Variants in RBMS3 observed in about 807,000 individuals in gnomAD.
The protein encoded by RBMS3 is RNA binding motif single stranded interacting protein 3.
A neutral mutation model predicts 66.8 loss-of-function variants in RBMS3; 27 were observed. The ratio of observed to expected loss-of-function variants is 0.40; its 90% CI spans 0.30 to 0.56. The LOEUF is 0.56. Among genes scored for constraint, RBMS3 ranks in the 20% least tolerant of loss-of-function variants. RBMS3 has a pLI of 0.40. For missense variants in RBMS3, 513 were observed against 549.5 expected (o/e 0.93, Z 0.66); for synonymous variants, 188 against 183.0 (o/e 1.03, Z -0.22).
chr3:29,641,136 T>C (rs1223985571), intron 4 of RBMS3: 1 of 152,172 alleles, frequency 6.6e-6, no homozygotes, highest in East Asian at 1.9e-4. Context: ...TCTTTTATTC[T>C]TCCTTCTTTA....
intron 1 of RBMS3, among the ~76,000 whole-genome samples, chr3:29,303,908 G>A (rs912369022): frequency 3.3e-5 from 5 of 151,904 alleles, no homozygotes; most frequent in Admixed American, 2.0e-4. Flanking sequence ...CATGGCGGTG[G>A]CAAGAGAAAA....
intron 3 of RBMS3, among the ~76,000 whole-genome samples, chr3:29,533,066 T>C (rs1349912115): frequency 6.6e-6 from 1 of 152,228 alleles, no homozygotes; most frequent in Middle Eastern, 3.2e-3. Flanking sequence ...CTATGTTTTA[T>C]GCCAGTCAAT....
intron 3 of RBMS3, among the ~76,000 whole-genome samples, chr3:29,509,710 G>A (rs2044324289): frequency 1.3e-5 from 2 of 152,112 alleles, no homozygotes; most frequent in Admixed American, 1.3e-4. Context: ...CTTAATACAA[G>A]TCTGTTCTCC....
intron 2 of RBMS3, among the ~76,000 whole-genome samples, chr3:29,440,454 T>G (rs1275266439): frequency 6.6e-6 from 1 of 152,196 alleles, no homozygotes; most frequent in Non-Finnish European, 1.5e-5. Context: ...AGGGAAACTC[T>G]TGGGTAGGTA....
At position 29,395,996 on chromosome 3, in the gene RBMS3, A is replaced by T. The variant is rs368331669; in HGVS notation, c.76-38747A>T. ...TTGCATAGTTTTGAGGCATCTCTTC[A>T]TAAATTGCTTTTTAGTTGCAAGCTG... is the stretch of plus-strand genomic sequence containing the variant. On this transcript the variant is annotated intron_variant, in intron 1 of 14. Transcript: ENST00000383767. 3.3e-5 allele frequency among the ~76,000 whole-genome samples: 5 copies of T among 152,214 alleles called. 1 individual carries two copies. The South Asian group carries it at 1.0e-3, about 31-fold the overall frequency.
chr3:29,389,108 G>C (rs1359005898), intron 1 of RBMS3, among the ~76,000 whole-genome samples: 1 of 152,164 alleles, frequency 6.6e-6, no homozygotes, highest in Non-Finnish European at 1.5e-5. Flanking sequence ...TCAGTTTGGT[G>C]CTCCCTCTAG....
At chr3:29,367,308 T>C (rs549961434) in intron 1 of RBMS3, among the ~76,000 whole-genome samples, 1 of 152,270 alleles carries the variant, frequency 6.6e-6, no homozygotes, top group East Asian at 1.9e-4. Flanking sequence ...TGCTAAAACA[T>C]ATATTCAAAA....
chr3:29,991,424 C>A, intron 14 of RBMS3: 1 of 652,916 alleles, frequency 1.5e-6, no homozygotes, highest in Non-Finnish European at 2.4e-6. Flanking sequence ...CTAGGAACAG[C>A]TGCTGATTAT....
chr3:29,304,015 A>C (rs1228111616), intron 1 of RBMS3, among the ~76,000 whole-genome samples: 4 of 151,992 alleles, frequency 2.6e-5, no homozygotes, highest in Admixed American at 6.6e-5. Context: ...AACTGCCCCC[A>C]TGATTCAAAT....
intron 14 of RBMS3, among the ~76,000 whole-genome samples, chr3:29,992,282 G>A (rs2149804502): frequency 6.6e-6 from 1 of 151,962 alleles, no homozygotes; most frequent in Admixed American, 6.5e-5. Context: ...TGCGGTTTTT[G>A]CCATTAAAAA....
chr3:29,761,523 G>T (rs535614025), intron 5 of RBMS3, among the ~76,000 whole-genome samples: 1 of 151,934 alleles, frequency 6.6e-6, no homozygotes, highest in South Asian at 2.1e-4. Context: ...TAATTACTTC[G>T]CCAAAAGCCT....
chr3:29,530,372 A>C (rs578133955), intron 3 of RBMS3, among the ~76,000 whole-genome samples: 1 of 152,366 alleles, frequency 6.6e-6, no homozygotes, highest in African/African-American at 2.4e-5. Context: ...ATGTGGAAGT[A>C]ATAGCTACCA....
chr3:29,759,717 C>A (rs1053743117), intron 5 of RBMS3, among the ~76,000 whole-genome samples: 2 of 152,082 alleles, frequency 1.3e-5, no homozygotes, highest in African/African-American at 2.4e-5. Context: ...CTTTCCTCCC[C>A]CCCCAGAGCT....
chr3:29,715,646 C>T (rs2053361700), intron 4 of RBMS3, among the ~76,000 whole-genome samples: 1 of 152,048 alleles, frequency 6.6e-6, no homozygotes. Context: ...TCTCCTTTGC[C>T]CATGAATGGC....
In RBMS3 at chr3:29,935,924, G is replaced by A. The variant is rs943365466; in HGVS notation, c.940-162G>A. On this transcript the variant is annotated intron_variant, in intron 10 of 14. Transcript: ENST00000383767. ...CCATCTATTCAGACAAGCACAAAATGACATGAATGGACATAAAAATTATAT... is the reference window on the plus strand; with the variant it reads ...CCATCTATTCAGACAAGCACAAAATAACATGAATGGACATAAAAATTATAT... 3.9e-5 allele frequency among the ~76,000 whole-genome samples: 6 copies of A among 152,206 alleles called. No individual in the cohort carries two copies. In the South Asian group the frequency reaches 6.2e-4, roughly 16 times the overall value.
At position 29,917,132 on chromosome 3, in the gene RBMS3, C is replaced by T. The variant is rs945249825; in HGVS notation, c.939+17377C>T. 2.0e-5 allele frequency among the ~76,000 whole-genome samples: 3 copies of T among 151,854 alleles called. No homozygotes were observed. In the East Asian group the frequency reaches 5.8e-4, roughly 29 times the overall value. On this transcript the variant is annotated intron_variant, in intron 10 of 14. Transcript: ENST00000383767. The stretch of plus-strand genomic sequence containing the variant: ...TGCCATTCTATATTCAGTTAGAATA[C>T]AAAACCAAACCAAAAAAAGATCCTC...
Position 29,881,881 on chromosome 3 carries a change from T to C in RBMS3, c.745-2281T>C, listed in dbSNP as rs3773118. 3.8e-3 allele frequency among the ~76,000 whole-genome samples: 573 copies of C among 152,140 alleles called. 8 individuals carry two copies. The East Asian group carries it at 0.052, about 14-fold the overall frequency. On this transcript the variant is annotated intron_variant, in intron 7 of 14. Transcript: ENST00000383767. ...TCTTTGAGCACCGTAGGAAAATAAG[T>C]ACAAGGAAAAAGAAATAAATGTGCA...
intron 4 of RBMS3, among the ~76,000 whole-genome samples, chr3:29,732,590 G>GC (rs2054183101): frequency 6.6e-6 from 1 of 151,656 alleles, no homozygotes; most frequent in Non-Finnish European, 1.5e-5. Context: ...ATCTAGAGGT[G>GC]CAGTAACTAT....
At chr3:29,543,789 G>A (rs922674103) in intron 3 of RBMS3, among the ~76,000 whole-genome samples, 2 of 152,072 alleles carry the variant, frequency 1.3e-5, no homozygotes, top group African/African-American at 4.8e-5. Flanking sequence ...CATTGCTTAA[G>A]GTGTGTTCTG....
Sources: gnomAD v4.1 joint callset for allele counts (sites outside exome capture counted in the v4.1 genomes callset) on GRCh38, gnomAD v4.1.1 for gene constraint, MANE v1.5 for transcripts, NCBI Gene and HGNC (gene_info 2026-07-23, HGNC 2026-07-21) for gene names.